Variants in CASK observed in about 807,000 individuals in gnomAD.
The protein encoded by CASK is calcium/calmodulin dependent serine protein kinase.
Under a neutral mutation model 82.9 loss-of-function variants are expected in CASK, and 4 were observed. The ratio of observed to expected loss-of-function variants is 0.05; its 90% CI spans 0.02 to 0.11. The LOEUF (loss-of-function observed/expected upper bound fraction) is 0.11. Among genes scored for constraint, CASK ranks in the 10% least tolerant of loss-of-function variants. The probability of loss-of-function intolerance (pLI) is 1.00; values close to 1 mark genes in which losing one functional copy is unlikely to be tolerated. For missense variants in CASK, 358 were observed against 720.9 expected (o/e 0.50, Z 5.76); for synonymous variants, 259 against 253.5 (o/e 1.02, Z -0.20).
intron 2 of CASK, among the ~76,000 whole-genome samples, chrX:41,819,241 GAAGAC>G (rs1466535762): frequency 9.0e-6 from 1 of 111,158 alleles, no homozygotes; most frequent in Admixed American, 9.6e-5. Flanking sequence ...GAAAATGAGA[GAAGAC>G]AAAAGTTATC....
In CASK at chrX:41,688,449, G is replaced by A. The variant is rs116710038; in HGVS notation, c.430-16919C>T. Among the ~76,000 whole-genome samples, 527 of 112,000 alleles carry A rather than the reference G, an allele frequency of 4.7e-3. 6 individuals carry two copies. Among genetic ancestry groups the A allele is most frequent in the African/African-American group, 0.016 (501 of 30,900 alleles). On this transcript the variant is annotated intron_variant, in intron 5 of 26. Transcript: ENST00000378163. ...GACTGCAGAATCCCATCATTATTTC[G>A]CTTAAAATACAGGTGATGTTTTAAT...
intron 26 of CASK, among the ~76,000 whole-genome samples, chrX:41,522,805 A>G (rs1490179994): frequency 8.9e-6 from 1 of 112,607 alleles, no homozygotes; most frequent in African/African-American, 3.2e-5. Flanking sequence ...AGACGAAGCT[A>G]TATTTGTCAG....
chrX:41,873,140 T>C (rs1317624497), intron 1 of CASK, among the ~76,000 whole-genome samples: 1 of 110,383 alleles, frequency 9.1e-6, no homozygotes, highest in African/African-American at 3.3e-5. Context: ...TAGATTCTAC[T>C]ACAATATTTT....
intron 12 of CASK, among the ~76,000 whole-genome samples, chrX:41,601,374 TA>T (rs1227106824): frequency 1.8e-5 from 2 of 112,047 alleles, no homozygotes; most frequent in African/African-American, 3.2e-5. Flanking sequence ...AGGAATGAAC[TA>T]AAATAAGTTG....
intron 2 of CASK, among the ~76,000 whole-genome samples, chrX:41,814,549 C>T (rs1160142899): frequency 4.1e-5 from 4 of 97,556 alleles, no homozygotes; most frequent in African/African-American, 1.5e-4. Flanking sequence ...AATGAAAACA[C>T]TTGGACACAG....
At chrX:41,897,584 G>A (rs2768601) in intron 1 of CASK, among the ~76,000 whole-genome samples, 18,889 of 110,749 alleles carry the variant, frequency 0.17, 1,432 homozygotes, top group Middle Eastern at 0.3. Context: ...TCATGTAGTT[G>A]ATGAATTAAA....
At chrX:41,667,814 A>G (rs1435476306) in intron 6 of CASK, among the ~76,000 whole-genome samples, 1 of 111,443 alleles carries the variant, frequency 9.0e-6, no homozygotes, top group Admixed American at 9.6e-5. Flanking sequence ...TTGATGACTC[A>G]GAGTTGTCAT....
intron 13 of CASK, among the ~76,000 whole-genome samples, chrX:41,588,719 CAA>C (rs2065696196): frequency 1.9e-5 from 2 of 103,004 alleles, no homozygotes; most frequent in Admixed American, 2.1e-4. Context: ...TTTATTTGCA[CAA>C]AGACTGACAT....
intron 3 of CASK, among the ~76,000 whole-genome samples, chrX:41,747,539 T>C (rs1172766566): frequency 4.5e-5 from 5 of 111,487 alleles, no homozygotes; most frequent in East Asian, 2.8e-4. Flanking sequence ...CCTGGGTTCA[T>C]GCCATTCTCC....
chrX:41,560,859 C>T (rs1020994917), intron 17 of CASK, among the ~76,000 whole-genome samples: 5 of 108,881 alleles, frequency 4.6e-5, no homozygotes, highest in African/African-American at 1.7e-4. Context: ...CCATTGCACT[C>T]CAGCCTGGGC....
At chrX:41,656,267 T>C (rs775119420) in intron 8 of CASK, among the ~76,000 whole-genome samples, 20 of 111,933 alleles carry the variant, frequency 1.8e-4, no homozygotes, top group African/African-American at 5.5e-4. Context: ...CCCATGGCTG[T>C]GGGGCAGATT....
At chrX:41,829,696 GATATAT>G (rs55730177) in intron 2 of CASK, among the ~76,000 whole-genome samples, 3 of 16,263 alleles carry the variant, frequency 1.8e-4, no homozygotes, top group Non-Finnish European at 2.1e-4. Context: ...TAGGTCACAA[GATATAT>G]ATATATATAT....
intron 1 of CASK, among the ~76,000 whole-genome samples, chrX:41,855,675 T>A (rs2071354161): frequency 1.8e-5 from 2 of 111,605 alleles, no homozygotes; most frequent in Non-Finnish European, 3.8e-5. Flanking sequence ...ACCCTTAAAA[T>A]TTTAAATCTA....
rs983936737 is a variant in CASK, at chrX:41,578,630, C to T, written c.1315-102G>A. 1.4e-5 allele frequency: 9 copies of T among 621,599 alleles called. No individual in the cohort carries two copies. The African/African-American group carries it at 2.0e-4, about 14-fold the overall frequency. 51.2% of individuals were successfully genotyped at this position (621,599 alleles called of 1,213,427 possible). ...TTGAGACAGGGTCTCACTCTGTCAC[C>T]CAGGGTGCAGTGCAGTGGTGAGATC... On this transcript the variant is annotated intron_variant, in intron 14 of 26. Transcript: ENST00000378163.
At chrX:41,546,531 A>T (rs1156471268) in intron 21 of CASK, among the ~76,000 whole-genome samples, 1 of 111,421 alleles carries the variant, frequency 9.0e-6, no homozygotes, top group South Asian at 3.8e-4. Flanking sequence ...GCAGTGGCAC[A>T]ATCTTGGCTC....
chrX:41,813,015 C>A (rs1179833761), intron 2 of CASK, among the ~76,000 whole-genome samples: 1 of 111,234 alleles, frequency 9.0e-6, no homozygotes, highest in South Asian at 3.8e-4. Flanking sequence ...AATAAAATAC[C>A]TAGGAATCCA....
chrX:41,898,920 T>C (rs904377433), intron 1 of CASK, among the ~76,000 whole-genome samples: 4 of 111,971 alleles, frequency 3.6e-5, no homozygotes, highest in African/African-American at 9.7e-5. Flanking sequence ...GATAAGATAT[T>C]CTGCAGATGA....
At chrX:41,632,252 G>A (rs1246004571) in intron 9 of CASK, among the ~76,000 whole-genome samples, 8 of 112,210 alleles carry the variant, frequency 7.1e-5, no homozygotes, top group Non-Finnish European at 9.4e-5. Context: ...AGAGAGGACT[G>A]TATGTAAATG....
chrX:41,695,733 C>T, intron 5 of CASK: 1 of 1,208,715 alleles, frequency 8.3e-7, no homozygotes, highest in Non-Finnish European at 1.1e-6. Context: ...CGACCAACCG[C>T]CACAAAACTT....
Sources: gnomAD v4.1 joint callset for allele counts (sites outside exome capture counted in the v4.1 genomes callset) on GRCh38, gnomAD v4.1.1 for gene constraint, MANE v1.5 for transcripts, NCBI Gene and HGNC (gene_info 2026-07-23, HGNC 2026-07-21) for gene names.